Variants in TRAM2 observed in about 807,000 individuals in gnomAD.
TRAM2 encodes translocating chain-associated membrane protein 2.
In TRAM2, 12 loss-of-function variants were observed where a neutral mutation model predicts 51.0. That is an observed-to-expected ratio of 0.24 (90% CI 0.15 to 0.38). The LOEUF (loss-of-function observed/expected upper bound fraction) is 0.38, where lower values mean the gene tolerates loss of function less well. TRAM2 is among the 10% of genes least tolerant of loss of function. The probability of loss-of-function intolerance (pLI) is 1.00; values close to 1 mark genes in which losing one functional copy is unlikely to be tolerated. For synonymous variants in TRAM2, 175 were observed against 179.4 expected (o/e 0.98, Z 0.20); for missense variants, 361 against 462.0 (o/e 0.78, Z 2.00).
At chr6:52,542,270 T>C (rs1767112168) in intron 1 of TRAM2, among the ~76,000 whole-genome samples, 1 of 146,410 alleles carries the variant, frequency 6.8e-6, no homozygotes. Context: ...GGGTTTTTTT[T>C]TTTTTTAAAA....
At position 52,500,522 on chromosome 6, in the gene TRAM2, T is replaced by G. The variant is rs1311124699; in HGVS notation, c.*2675A>C. The stretch of plus-strand genomic sequence containing the variant: ...AGCCCCACTCATGGTCTCAGGGTTT[T>G]TTTTTGTTTTTTTTTTTTTTTTTAC... On this transcript the variant is annotated 3_prime_UTR_variant, in exon 11 of 11. Transcript: ENST00000182527. The G allele has an allele frequency of 1.3e-4, 11 of 81,706 alleles. No homozygotes were observed. Among genetic ancestry groups the G allele is most frequent in the Non-Finnish European group, 3.3e-4 (11 of 33,506 alleles). The allele number at this position is 81,706 out of a possible 1,614,324, so 5.1% of individuals were successfully genotyped here.
chr6:52,533,327 T>C (rs1766924858), intron 2 of TRAM2, among the ~76,000 whole-genome samples: 1 of 152,150 alleles, frequency 6.6e-6, no homozygotes, highest in Non-Finnish European at 1.5e-5. Context: ...AAGTCTCTGT[T>C]ATTAGGATTT....
At chr6:52,560,322 G>C (rs550145133) in intron 1 of TRAM2, among the ~76,000 whole-genome samples, 4 of 152,150 alleles carry the variant, frequency 2.6e-5, no homozygotes, top group African/African-American at 9.6e-5. Context: ...ATCTCCTAGA[G>C]AGATACCAAT....
chr6:52,503,185 A>T lies in TRAM2; in HGVS notation c.*12T>A. 1 of 1,611,700 alleles carries T rather than the reference A, an allele frequency of 6.2e-7. No homozygotes were observed. The highest frequency in any genetic ancestry group is 8.5e-7 in the Non-Finnish European group (1 of 1,178,298). ...CCCCACCAAGAGGATTCCTGTTCTTAGCACTTTGGCCTTAGGGAGACTTGA... is the reference window on the plus strand; with the variant it reads ...CCCCACCAAGAGGATTCCTGTTCTTTGCACTTTGGCCTTAGGGAGACTTGA... On this transcript the variant is annotated 3_prime_UTR_variant, in exon 11 of 11. Transcript: ENST00000182527.
chr6:52,555,607 T>A (rs1767391677), intron 1 of TRAM2, among the ~76,000 whole-genome samples: 2 of 152,186 alleles, frequency 1.3e-5, no homozygotes, highest in African/African-American at 2.4e-5. Flanking sequence ...AAGCTGCTTT[T>A]AAAAAAACCA....
At position 52,497,942 on chromosome 6, in the gene TRAM2, T is replaced by C. The variant is rs1226659389; in HGVS notation, c.*5255A>G. 1.3e-5 allele frequency: 2 copies of C among 152,246 alleles called. No homozygotes were observed. Among genetic ancestry groups the C allele is most frequent in the Non-Finnish European group, 2.9e-5 (2 of 68,044 alleles). 9.4% of individuals were successfully genotyped at this position (152,246 alleles called of 1,614,324 possible). A position where few individuals can be genotyped will look rare whatever the true frequency, so the allele number is the denominator to read the frequency against. On this transcript the variant is annotated 3_prime_UTR_variant, in exon 11 of 11. Transcript: ENST00000182527. ...TGAACAAGTAGCTCTAGAGTGCTTT[T>C]AGGCAGAGTGACGGTGATGTCATGG...
intron 1 of TRAM2, among the ~76,000 whole-genome samples, chr6:52,544,289 C>T (rs1380174353): frequency 1.3e-5 from 2 of 151,996 alleles, no homozygotes; most frequent in African/African-American, 4.8e-5. Flanking sequence ...AAACTGAGGC[C>T]GGAAAGTGAA....
intron 1 of TRAM2, among the ~76,000 whole-genome samples, chr6:52,552,421 T>C (rs1039231288): frequency 1.3e-5 from 2 of 152,212 alleles, no homozygotes; most frequent in African/African-American, 4.8e-5. Context: ...CTCAAATGGC[T>C]GTACATATAT....
intron 1 of TRAM2, among the ~76,000 whole-genome samples, chr6:52,566,085 TATA>T (rs1278286248): frequency 6.6e-6 from 1 of 152,160 alleles, no homozygotes; most frequent in African/African-American, 2.4e-5. Context: ...ACCTTTTTAT[TATA>T]ATAAGTCCAT....
At chr6:52,504,415 C>A (rs1766301980) in intron 10 of TRAM2, among the ~76,000 whole-genome samples, 176 bp downstream of exon 10, 1 of 151,662 alleles carries the variant, frequency 6.6e-6, no homozygotes, top group African/African-American at 2.4e-5. Flanking sequence ...CTGGCCCACA[C>A]CCAGCCACGT....
Position 52,576,887 on chromosome 6 carries a change from T to C in TRAM2, c.29A>G (p.Tyr10Cys). ...GACGAACTCCTGGCTGAAGAGCGGGTAACTTTTCGTCCTCCTGCGGAAAGC... is the reference window on the plus strand; with the variant it reads ...GACGAACTCCTGGCTGAAGAGCGGGCAACTTTTCGTCCTCCTGCGGAAAGC... MAFRRRTKS[Y>C]PLFSQEFVIH... The change falls in exon 1 of 11, where the codon TAC becomes TGC. Residue 10 changes from tyrosine to cysteine, a missense_variant. Tyr to Cys is a radical substitution (Grantham distance 194, BLOSUM62 -2). Transcript: ENST00000182527. The C allele has an allele frequency of 6.2e-7, 1 of 1,613,220 alleles. No homozygotes were observed. Among genetic ancestry groups the C allele is most frequent in the Non-Finnish European group, 8.5e-7 (1 of 1,179,638 alleles).
At chr6:52,547,976 A>C (rs1767240779) in intron 1 of TRAM2, among the ~76,000 whole-genome samples, 1 of 152,282 alleles carries the variant, frequency 6.6e-6, no homozygotes, top group Non-Finnish European at 1.5e-5. Flanking sequence ...TGTCATGGAA[A>C]GCATTAGAAG....
At chr6:52,508,165 C>T (rs1470922455) in intron 6 of TRAM2, 69 bp downstream of exon 6, 62 of 1,429,282 alleles carry the variant, frequency 4.3e-5, no homozygotes, top group Non-Finnish European at 1.6e-5. Flanking sequence ...AAGGGAGGTA[C>T]CCCTGGGAAT....
chr6:52,504,667 G>A lies in TRAM2; in HGVS notation c.963C>T (p.Tyr321=), dbSNP rs1449947464. ...TCCGCTTTGCACTCTGCTCATTCCA[G>A]TATTCCCGCCAGTGCCGCAGCTGGG... is the stretch of plus-strand genomic sequence containing the variant. ...IHSQLRHWRE[Y]WNEQSAKRRV... Residue 321 remains tyrosine, a synonymous_variant, in exon 10 of 11, where the codon TAC becomes TAT. Coordinates refer to ENST00000182527, the MANE Select transcript of TRAM2 (RefSeq NM_012288.4). The A allele has an allele frequency of 5.6e-6, 9 of 1,609,508 alleles. No individual in the cohort carries two copies. The African/African-American group carries it at 1.2e-4, about 21-fold the overall frequency.
intron 1 of TRAM2, among the ~76,000 whole-genome samples, chr6:52,555,573 G>T (rs960614754): frequency 2.9e-4 from 44 of 151,994 alleles, no homozygotes; most frequent in African/African-American, 1.0e-3. Context: ...ACAGAAAAAG[G>T]CCCACACCAA....
intron 2 of TRAM2, among the ~76,000 whole-genome samples, chr6:52,530,984 G>A (rs1337548335): frequency 6.6e-6 from 1 of 152,046 alleles, no homozygotes; most frequent in African/African-American, 2.4e-5. Context: ...GAAGACACAG[G>A]GAGTTGGAAA....
chr6:52,510,646 T>C (rs531198630), intron 4 of TRAM2, among the ~76,000 whole-genome samples: 3 of 152,304 alleles, frequency 2.0e-5, no homozygotes, highest in African/African-American at 4.8e-5. Flanking sequence ...GCTCAGCCCA[T>C]ACCCAAGGTG....
chr6:52,564,643 A>C (rs1321779575), intron 1 of TRAM2, among the ~76,000 whole-genome samples: 2 of 152,080 alleles, frequency 1.3e-5, no homozygotes, highest in African/African-American at 4.8e-5. Context: ...CCCACCACAC[A>C]CAAGAGCAGC....
At chr6:52,534,010 G>A (rs1766935362) in intron 2 of TRAM2, among the ~76,000 whole-genome samples, 2 of 152,038 alleles carry the variant, frequency 1.3e-5, no homozygotes, top group South Asian at 4.2e-4. Context: ...ACTTGAACCC[G>A]GGAGGTGGAG....
Sources: gnomAD v4.1 joint callset for allele counts (sites outside exome capture counted in the v4.1 genomes callset) on GRCh38, gnomAD v4.1.1 for gene constraint, MANE v1.5 for transcripts, NCBI Gene and HGNC (gene_info 2026-07-23, HGNC 2026-07-21) for gene names.